The following SFMBT1 variants were observed in gnomAD, a reference collection of about 807,000 sequenced individuals.
SFMBT1 encodes Scm like with four mbt domains 1.
Under a neutral mutation model 108.7 loss-of-function variants are expected in SFMBT1, and 32 were observed. The ratio of observed to expected loss-of-function variants is 0.29; its 90% CI spans 0.22 to 0.40. The LOEUF (loss-of-function observed/expected upper bound fraction) is 0.40, where lower values mean the gene tolerates loss of function less well. Among genes scored for constraint, SFMBT1 ranks in the 10% least tolerant of loss-of-function variants. The probability of loss-of-function intolerance (pLI) is 1.00; values close to 1 mark genes in which losing one functional copy is unlikely to be tolerated. For synonymous variants in SFMBT1, 348 were observed against 369.5 expected (o/e 0.94, Z 0.67); for missense variants, 816 against 1,059.6 (o/e 0.77, Z 3.19).
chr3:52,957,621 T>G (rs1054087182), intron 2 of SFMBT1, among the ~76,000 whole-genome samples: 1 of 152,038 alleles, frequency 6.6e-6, no homozygotes, highest in Non-Finnish European at 1.5e-5. Context: ...TCCAGACCAA[T>G]GGAACAGAAT....
At chr3:52,975,727 A>G (rs984260839) in intron 1 of SFMBT1, among the ~76,000 whole-genome samples, 1 of 152,096 alleles carries the variant, frequency 6.6e-6, no homozygotes, top group African/African-American at 2.4e-5. Flanking sequence ...TTAGCCTCCT[A>G]AGTAACTGGG....
chr3:52,907,074 G>T lies in SFMBT1; in HGVS notation c.2326C>A (p.Pro776Thr), dbSNP rs773391002. ...FSDDENKPPS[P>T]KEIRIEVAER... ...AACTATTTTTTAAATGGTACCTTTG[G>T]TGAAGGAGGTTTATTTTCATCGTCA... The change falls in exon 19 of 21, where the codon CCA (proline) becomes ACA (threonine). Residue 776 changes from proline to threonine, a missense_variant. This residue lies in a region of SFMBT1 where 177 missense variants were observed against 182.0 expected (regional missense o/e 0.97). Transcript: ENST00000394752. The T allele has an allele frequency of 6.8e-6, 11 of 1,608,758 alleles. No homozygotes were observed. The East Asian group carries it at 2.2e-4, about 33-fold the overall frequency.
At chr3:52,905,742 G>C (rs947635444) in intron 20 of SFMBT1, among the ~76,000 whole-genome samples, 2 of 152,160 alleles carry the variant, frequency 1.3e-5, no homozygotes, top group Non-Finnish European at 2.9e-5. Flanking sequence ...GCCACTGACT[G>C]TGTTTCAGCA....
chr3:53,019,388 G>T (rs887787586), intron 1 of SFMBT1, among the ~76,000 whole-genome samples: 24 of 76,954 alleles, frequency 3.1e-4, no homozygotes, highest in South Asian at 5.6e-4. Context: ...TGTGTGTGTG[G>T]GGGGGGTATA....
Position 52,934,920 on chromosome 3 carries a change from G to A in SFMBT1, c.365-19C>T, listed in dbSNP as rs1702962676. ...CTGATGCCTAGATGAGGGAATAAAT[G>A]ACTGATTACTCAAAATGCCAGCCAC... On this transcript the variant is annotated intron_variant, in intron 4 of 20. Transcript: ENST00000394752. 2 of 1,599,044 alleles carry A rather than the reference G, an allele frequency of 1.3e-6. No individual in the cohort carries two copies. Among genetic ancestry groups the A allele is most frequent in the South Asian group, 1.1e-5 (1 of 89,502 alleles).
intron 8 of SFMBT1, chr3:52,928,637 C>CATATAT (rs149816705): frequency 2.0e-4 from 16 of 78,458 alleles, no homozygotes; most frequent in African/African-American, 7.6e-4. Context: ...CATATATATA[C>CATATAT]ATATATATAT....
At chr3:52,947,320 T>C (rs1400223525) in intron 3 of SFMBT1, among the ~76,000 whole-genome samples, 2 of 151,900 alleles carry the variant, frequency 1.3e-5, no homozygotes, top group South Asian at 2.1e-4. Flanking sequence ...GGTTTCACCG[T>C]GTTGGCCAGG....
At chr3:52,999,006 G>A (rs1327621331) in intron 1 of SFMBT1, among the ~76,000 whole-genome samples, 6 of 150,768 alleles carry the variant, frequency 4.0e-5, no homozygotes, top group African/African-American at 9.7e-5. Context: ...ACTGTGAGCC[G>A]CCCTCGGCCC....
intron 2 of SFMBT1, among the ~76,000 whole-genome samples, chr3:52,963,107 C>A (rs901376237): frequency 2.6e-5 from 4 of 151,810 alleles, no homozygotes; most frequent in African/African-American, 9.7e-5. Flanking sequence ...GGTTCTCTTG[C>A]CTCAGCCTTC....
chr3:53,024,298 G>GA (rs1050630659), intron 1 of SFMBT1, among the ~76,000 whole-genome samples: 2 of 150,486 alleles, frequency 1.3e-5, no homozygotes, highest in African/African-American at 2.5e-5. Context: ...GATTTTGGGG[G>GA]AAAAAACCCC....
chr3:52,982,837 T>G (rs1704763153), intron 1 of SFMBT1, among the ~76,000 whole-genome samples: 1 of 139,234 alleles, frequency 7.2e-6, no homozygotes, highest in African/African-American at 2.6e-5. Context: ...AGATGAATAA[T>G]TCCAAAACCA....
At chr3:52,972,379 A>C (rs1553639695) in intron 1 of SFMBT1, among the ~76,000 whole-genome samples, 1 of 152,156 alleles carries the variant, frequency 6.6e-6, no homozygotes, top group Non-Finnish European at 1.5e-5. Context: ...CAAGAAATAG[A>C]CTGATGAAGT....
At position 52,916,234 on chromosome 3, in the gene SFMBT1, TA is replaced by T; in HGVS notation, c.1416-21del. The T allele has an allele frequency of 6.2e-7, 1 of 1,604,942 alleles. No homozygotes were observed. Among genetic ancestry groups the T allele is most frequent in the Non-Finnish European group, 8.5e-7 (1 of 1,172,408 alleles). ...GGTACTCTGGGTCAAGAAAACACAG[TA>T]AAATAGTGAGATAATTCTTAAGATC... is the stretch of plus-strand genomic sequence containing the variant. On this transcript the variant is annotated intron_variant, in intron 13 of 20. Coordinates refer to ENST00000394752, the MANE Select transcript of SFMBT1 (RefSeq NM_016329.4).
intron 2 of SFMBT1, among the ~76,000 whole-genome samples, chr3:52,968,311 T>C (rs1212904412): frequency 6.6e-6 from 1 of 152,154 alleles, no homozygotes; most frequent in Admixed American, 6.5e-5. Context: ...TGGGAGCTCT[T>C]TGTGGTGATG....
intron 1 of SFMBT1, among the ~76,000 whole-genome samples, chr3:52,985,889 TC>T (rs1344886913): frequency 1.3e-5 from 2 of 152,198 alleles, no homozygotes; most frequent in Non-Finnish European, 2.9e-5. Flanking sequence ...ACGCCTGTAA[TC>T]CCAGCACTTT....
chr3:53,017,855 G>A (rs1699177708), intron 1 of SFMBT1, among the ~76,000 whole-genome samples: 1 of 152,192 alleles, frequency 6.6e-6, no homozygotes, highest in African/African-American at 2.4e-5. Context: ...TTTTCAGTGT[G>A]TGGCAAGTAA....
intron 1 of SFMBT1, among the ~76,000 whole-genome samples, chr3:53,031,450 T>C (rs1182902834): frequency 3.3e-5 from 5 of 152,312 alleles, no homozygotes; most frequent in African/African-American, 7.2e-5. Flanking sequence ...AGTTATAACA[T>C]GATCTTCAAA....
Position 52,932,212 on chromosome 3 carries a change from C to T in SFMBT1, c.550G>A (p.Val184Ile). 2 of 1,614,176 alleles carry T rather than the reference C, an allele frequency of 1.2e-6. No homozygotes were observed. The highest frequency in any genetic ancestry group is 1.7e-6 in the Non-Finnish European group (2 of 1,180,024). Residue 184 changes from valine to isoleucine, a missense_variant, in exon 6 of 21, where the codon GTA becomes ATA. Val to Ile is a conservative substitution (Grantham distance 29). This residue lies in a region of SFMBT1 where 495 missense variants were observed against 607.4 expected (regional missense o/e 0.81). Transcript: ENST00000394752. Reference sequence around the variant, plus strand: ...AGCCTTCCTCCAATGTTTTCTACTACAGTAACAATCCAAGTGCTTAAAGAG... The same window carrying T: ...AGCCTTCCTCCAATGTTTTCTACTATAGTAACAATCCAAGTGCTTAAAGAG... ...QDSLSTWIVT[V>I]VENIGGRLKL...
At chr3:52,930,051 T>G (rs1485748077) in intron 8 of SFMBT1, among the ~76,000 whole-genome samples, 2 of 152,186 alleles carry the variant, frequency 1.3e-5, no homozygotes, top group African/African-American at 4.8e-5. Flanking sequence ...TTAAATCTCC[T>G]TTACTTATAT....
Sources: allele counts gnomAD v4.1 joint callset (sites outside exome capture counted in the v4.1 genomes callset), GRCh38; gene constraint gnomAD v4.1.1; regional missense constraint gnomAD v4.1.1; transcripts MANE v1.5; gene names NCBI Gene and HGNC (gene_info 2026-07-23, HGNC 2026-07-21).